The following KIAA1328 variants were observed in gnomAD, a reference collection of about 807,000 sequenced individuals.
The protein encoded by KIAA1328 is protein hinderin.
KIAA1328 carries 52 observed loss-of-function variants against 68.1 expected under a neutral mutation model. The observed-to-expected ratio is 0.76, with a 90% confidence interval of 0.61 to 0.96. The LOEUF is 0.96. Among genes scored for constraint, KIAA1328 ranks in the 40% least tolerant of loss-of-function variants. KIAA1328 has a pLI of 0.00. For synonymous variants in KIAA1328, 232 were observed against 239.4 expected (o/e 0.97, Z 0.28); for missense variants, 641 against 677.6 (o/e 0.95, Z 0.60).
chr18:37,133,649 C>G (rs955514474), intron 7 of KIAA1328, among the ~76,000 whole-genome samples: 1 of 151,504 alleles, frequency 6.6e-6, no homozygotes, highest in African/African-American at 2.4e-5. Context: ...CCTCAGCCTC[C>G]TGAGCAGCTG....
In KIAA1328 at chr18:37,009,908, A is replaced by G. The variant is rs143361876; in HGVS notation, c.576+50473A>G. On this transcript the variant is annotated intron_variant, in intron 6 of 9. Coordinates refer to ENST00000280020, the MANE Select transcript of KIAA1328 (RefSeq NM_020776.3). The stretch of plus-strand genomic sequence containing the variant: ...AGCCAATGAGTTTCTCTTCCCATAC[A>G]TAGTTCGTAATTATCTGAGAGTATT... Among the ~76,000 whole-genome samples the G allele has an allele frequency of 2.4e-3, 368 of 152,268 alleles. 2 individuals are homozygous for G. Among genetic ancestry groups the G allele is most frequent in the Non-Finnish European group, 3.9e-3 (268 of 68,028 alleles).
At chr18:37,104,118 A>C (rs554515399) in intron 7 of KIAA1328, among the ~76,000 whole-genome samples, 143 of 152,224 alleles carry the variant, frequency 9.4e-4, no homozygotes, top group Non-Finnish European at 1.8e-3. Context: ...AAGATTTCTC[A>C]AAAAAGCAAA....
At chr18:37,017,480 A>G (rs543674643) in intron 6 of KIAA1328, among the ~76,000 whole-genome samples, 153 of 152,170 alleles carry the variant, frequency 1.0e-3, no homozygotes, top group African/African-American at 3.5e-3. Flanking sequence ...ATTACATCCA[A>G]TTGTTCAGGT....
intron 5 of KIAA1328, among the ~76,000 whole-genome samples, chr18:36,956,984 A>G (rs1274039889): frequency 1.3e-5 from 2 of 152,192 alleles, no homozygotes; most frequent in African/African-American, 4.8e-5. Flanking sequence ...CCAAGTATTC[A>G]ACAAGCTCTC....
intron 6 of KIAA1328, among the ~76,000 whole-genome samples, chr18:37,034,135 A>G (rs1414539065): frequency 2.6e-5 from 4 of 152,298 alleles, no homozygotes; most frequent in Admixed American, 1.3e-4. Flanking sequence ...AGTCTTAGGA[A>G]AACAAAGGCT....
At chr18:36,859,798 T>C (rs1306534214) in intron 4 of KIAA1328, among the ~76,000 whole-genome samples, 1 of 145,952 alleles carries the variant, frequency 6.9e-6, no homozygotes, top group Non-Finnish European at 1.5e-5. Context: ...TATTTTTGTC[T>C]TTTTTTTTTA....
intron 5 of KIAA1328, among the ~76,000 whole-genome samples, chr18:36,937,121 A>G (rs1568185232): frequency 6.6e-6 from 1 of 152,194 alleles, no homozygotes; most frequent in Non-Finnish European, 1.5e-5. Flanking sequence ...AGGATCTCCT[A>G]TTCAGTAAAT....
chr18:37,215,399 G>A (rs898354999), intron 9 of KIAA1328, among the ~76,000 whole-genome samples: 1 of 152,188 alleles, frequency 6.6e-6, no homozygotes, highest in Non-Finnish European at 1.5e-5. Context: ...TGCATCTATT[G>A]AGATAATCAT....
At chr18:37,216,647 C>T (rs115030599) in intron 9 of KIAA1328, among the ~76,000 whole-genome samples, 5,974 of 152,070 alleles carry the variant, frequency 0.039, 363 homozygotes, top group African/African-American at 0.14. Context: ...CTGTTAGGTC[C>T]GCTTGGTGCA....
intron 5 of KIAA1328, among the ~76,000 whole-genome samples, chr18:36,904,345 T>C (rs2049142618): frequency 6.6e-6 from 1 of 152,084 alleles, no homozygotes; most frequent in South Asian, 2.1e-4. Context: ...CTGAGTGTAA[T>C]ATATTTGTGG....
chr18:36,840,813 T>C (rs1206506649), intron 3 of KIAA1328, among the ~76,000 whole-genome samples: 4 of 152,202 alleles, frequency 2.6e-5, no homozygotes, highest in African/African-American at 9.6e-5. Flanking sequence ...CCTTAATTCA[T>C]TAAGGATTTC....
In KIAA1328 at chr18:36,949,603, C is replaced by CA. The variant is rs568645574; in HGVS notation, c.449-9705_449-9704insA. ...AAGTCTGTTTCTACCCAGCTCCCCC[C>CA]CCCCCACCCCCCGATCTTGATTTGC... On this transcript the variant is annotated intron_variant, in intron 5 of 9. Transcript: ENST00000280020. Among the ~76,000 whole-genome samples, 13 of 95,472 alleles carry CA rather than the reference C, an allele frequency of 1.4e-4. 1 individual carries two copies. Among genetic ancestry groups the CA allele is most frequent in the South Asian group, 1.0e-3 (2 of 1,970 alleles). The allele number at this position is 95,472 out of a possible 152,430, so 62.6% of individuals were successfully genotyped here.
intron 5 of KIAA1328, among the ~76,000 whole-genome samples, chr18:36,925,347 G>C (rs1402498944): frequency 6.6e-6 from 1 of 152,136 alleles, no homozygotes; most frequent in South Asian, 2.1e-4. Flanking sequence ...AAGAAGGGCT[G>C]AGCTGACTGA....
intron 4 of KIAA1328, among the ~76,000 whole-genome samples, chr18:36,862,517 G>A (rs1361238833): frequency 2.0e-5 from 3 of 151,982 alleles, no homozygotes; most frequent in Non-Finnish European, 2.9e-5. Context: ...GTCCATTCAT[G>A]TTGTTGCATG....
intron 7 of KIAA1328, among the ~76,000 whole-genome samples, chr18:37,072,122 T>A (rs1361562921): frequency 6.6e-6 from 1 of 152,202 alleles, no homozygotes; most frequent in Non-Finnish European, 1.5e-5. Context: ...TTGTTCTTCC[T>A]TTCTGATGTT....
intron 9 of KIAA1328, among the ~76,000 whole-genome samples, chr18:37,193,383 G>A (rs2059943674): frequency 6.6e-6 from 1 of 152,056 alleles, no homozygotes; most frequent in East Asian, 1.9e-4. Context: ...CATATTAAAT[G>A]GAATAAACAA....
chr18:36,881,989 ACT>A (rs2048343034), intron 4 of KIAA1328, among the ~76,000 whole-genome samples: 1 of 152,072 alleles, frequency 6.6e-6, no homozygotes, highest in Admixed American at 6.5e-5. Flanking sequence ...TTGTATGGTA[ACT>A]CTGTGTTTAA....
At chr18:37,201,172 G>C (rs1274709211) in intron 9 of KIAA1328, among the ~76,000 whole-genome samples, 1 of 152,102 alleles carries the variant, frequency 6.6e-6, no homozygotes, top group East Asian at 1.9e-4. Context: ...ATAATTCCAT[G>C]ATTATAATTT....
At chr18:37,205,739 G>T (rs188190801) in intron 9 of KIAA1328, among the ~76,000 whole-genome samples, 1 of 152,298 alleles carries the variant, frequency 6.6e-6, no homozygotes, top group Non-Finnish European at 1.5e-5. Context: ...TTTTCCATCT[G>T]ATTTCAGCTG....
Sources: allele counts gnomAD v4.1 joint callset (sites outside exome capture counted in the v4.1 genomes callset), GRCh38; gene constraint gnomAD v4.1.1; transcripts MANE v1.5; gene names NCBI Gene and HGNC (gene_info 2026-07-23, HGNC 2026-07-21).